The following IPO7 variants were observed in gnomAD, a reference collection of about 807,000 sequenced individuals.
The protein encoded by IPO7 is importin-7.
IPO7 carries 13 observed loss-of-function variants against 136.4 expected under a neutral mutation model. The observed-to-expected ratio is 0.10, with a 90% CI of 0.06 to 0.15. The LOEUF (loss-of-function observed/expected upper bound fraction) is 0.15, where lower values mean the gene tolerates loss of function less well. Among genes scored for constraint, IPO7 ranks in the 10% least tolerant of loss-of-function variants. IPO7 has a pLI of 1.00. For missense variants in IPO7, 857 were observed against 1,240.6 expected (o/e 0.69, Z 4.65); for synonymous variants, 403 against 404.4 (o/e 1.00, Z 0.04).
intron 19 of IPO7, 122 bp from the exon 20 acceptor site, chr11:9,436,149 T>C (rs1855364891): frequency 1.6e-6 from 1 of 633,294 alleles, no homozygotes; most frequent in Non-Finnish European, 2.8e-6. Flanking sequence ...GTTATTCATA[T>C]TAATTAGGGT....
chr11:9,401,649 A>G (rs2133728876), intron 1 of IPO7, among the ~76,000 whole-genome samples: 1 of 152,346 alleles, frequency 6.6e-6, no homozygotes, highest in African/African-American at 2.4e-5. Context: ...ATCCAGGTCT[A>G]TAATGTAAAA....
rs1451100036 is a variant in IPO7 at position 9,414,581 on chromosome 11, A to G, written c.636+170A>G. 1.4e-5 allele frequency: 5 copies of G among 347,932 alleles called. 1 individual carries two copies. The Admixed American group carries it at 2.5e-4, about 17-fold the overall frequency. 21.6% of individuals were successfully genotyped at this position (347,932 alleles called of 1,614,324 possible). A position where few individuals can be genotyped will look rare whatever the true frequency, so the allele number is the denominator to read the frequency against. On this transcript the variant is annotated intron_variant, in intron 5 of 24. Coordinates refer to ENST00000379719, the MANE Select transcript of IPO7 (RefSeq NM_006391.3). ...GCAAAAATTATAAGTCTAAACAAGC[A>G]TACTTCCTCCCCAAATACATAAACA...
At position 9,437,582 on chromosome 11, in the gene IPO7, G is replaced by A. The variant is rs1031038082; in HGVS notation, c.2269-172G>A. On this transcript the variant is annotated intron_variant, in intron 20 of 24. Coordinates refer to ENST00000379719, the MANE Select transcript of IPO7 (RefSeq NM_006391.3). ...CGTGAGCTTTTAATAGCTCCATGAA[G>A]ACTACTAGACTTTCTCTAAAATTAG... Among the ~76,000 whole-genome samples the A allele has an allele frequency of 2.2e-4, 33 of 152,310 alleles. No individual in the cohort carries two copies. In the East Asian group the frequency reaches 4.6e-3, roughly 21 times the overall value.
At position 9,439,042 on chromosome 11, in the gene IPO7, G is replaced by A. The variant is rs564911617; in HGVS notation, c.2695+757G>A. 7.0e-4 allele frequency among the ~76,000 whole-genome samples: 106 copies of A among 152,234 alleles called. 1 individual carries two copies. The South Asian group carries it at 0.012, about 18-fold the overall frequency. ...TAGTCCCAGCTACTTGGAAGTCTGA[G>A]GTATCAGATTCGCTTGAGCCCAGGA... On this transcript the variant is annotated intron_variant, in intron 22 of 24. Transcript: ENST00000379719.
rs1855456133 is a variant in IPO7 at position 9,441,220 on chromosome 11, TA to T, written c.2902+560del. 2.6e-5 allele frequency among the ~76,000 whole-genome samples: 4 copies of T among 152,346 alleles called. No homozygotes were observed. The South Asian group carries it at 8.3e-4, about 32-fold the overall frequency. On this transcript the variant is annotated intron_variant, in intron 23 of 24. Coordinates refer to ENST00000379719, the MANE Select transcript of IPO7 (RefSeq NM_006391.3). ...TTGAGATTTTTGAATTATATATGCC[TA>T]GGATTCTGGAGCCACGTACACTGTT...
chr11:9,439,668 C>T (rs1391673366), intron 22 of IPO7, among the ~76,000 whole-genome samples: 1 of 151,534 alleles, frequency 6.6e-6, no homozygotes, highest in South Asian at 2.1e-4. Flanking sequence ...CTCCGACTCC[C>T]GGGTTCAAGC....
chr11:9,425,515 G>A (rs983394162), intron 12 of IPO7, among the ~76,000 whole-genome samples: 7 of 151,792 alleles, frequency 4.6e-5, no homozygotes, highest in Non-Finnish European at 1.0e-4. Flanking sequence ...CCAGGGCGGG[G>A]GGATCACCTG....
At chr11:9,440,056 G>A (rs1006630394) in intron 22 of IPO7, among the ~76,000 whole-genome samples, 2 of 152,088 alleles carry the variant, frequency 1.3e-5, no homozygotes, top group African/African-American at 2.4e-5. Context: ...TACACTATCA[G>A]TGTATAAATT....
chr11:9,443,151 C>T (rs1363075493), intron 24 of IPO7, among the ~76,000 whole-genome samples: 2 of 151,784 alleles, frequency 1.3e-5, no homozygotes, highest in South Asian at 2.1e-4. Context: ...TGCAGTGAGC[C>T]GACATCACGC....
intron 8 of IPO7, 130 bp from the exon 9 acceptor site, chr11:9,422,876 T>C: frequency 2.1e-6 from 1 of 480,734 alleles, no homozygotes; most frequent in Non-Finnish European, 3.7e-6. Context: ...AAATTATTTT[T>C]CAAAGTATAC....
chr11:9,406,697 C>A (rs1854892967), intron 2 of IPO7, among the ~76,000 whole-genome samples: 1 of 151,964 alleles, frequency 6.6e-6, no homozygotes, highest in Admixed American at 6.6e-5. Context: ...ATGGTGAAAC[C>A]CTGTCTCTAC....
chr11:9,420,860 T>G (rs977039417), intron 8 of IPO7, among the ~76,000 whole-genome samples, 162 bp downstream of exon 8: 2 of 152,234 alleles, frequency 1.3e-5, no homozygotes, highest in African/African-American at 4.8e-5. Flanking sequence ...TTCAAATTAC[T>G]TAGGATACCA....
chr11:9,428,823 G>T (rs1208532387), intron 13 of IPO7, 194 bp downstream of exon 13: 1 of 783,834 alleles, frequency 1.3e-6, no homozygotes, highest in South Asian at 1.4e-5. Context: ...GTGTCTGTCT[G>T]TGTTTTTCAT....
rs78429908 is a variant in IPO7 at position 9,413,173 on chromosome 11, C to T, written c.480-1082C>T. Among the ~76,000 whole-genome samples, 1,178 of 152,124 alleles carry T rather than the reference C, an allele frequency of 7.7e-3. 35 individuals carry two copies. In the East Asian group the frequency reaches 0.098, roughly 13 times the overall value. ...GATTAGAGGCGTGAGCCACCGCGCC[C>T]GGCCCCCAACAGACTTTTTAACGAT... On this transcript the variant is annotated intron_variant, in intron 4 of 24. Transcript: ENST00000379719.
intron 1 of IPO7, among the ~76,000 whole-genome samples, chr11:9,385,157 C>T (rs1054265056): frequency 6.6e-6 from 1 of 152,198 alleles, no homozygotes; most frequent in Non-Finnish European, 1.5e-5. Context: ...GGCTGGCCGA[C>T]CTCTGGCTCA....
At position 9,430,879 on chromosome 11, in the gene IPO7, T is replaced by C. The variant is rs777868512; in HGVS notation, c.1757T>C (p.Met586Thr). ...IAVEMTQHLAMTFNQVIQTGP... is the reference protein window; with the variant it reads ...IAVEMTQHLATTFNQVIQTGP... ...GTTATATTCTCTTGAATCTAGGCAATGACATTTAACCAAGTAATCCAGACG... is the reference window on the plus strand; with the variant it reads ...GTTATATTCTCTTGAATCTAGGCAACGACATTTAACCAAGTAATCCAGACG... The change falls in exon 16 of 25, where the codon ATG becomes ACG. Residue 586 changes from methionine to threonine, a missense_variant. Physicochemically the swap from Met to Thr is moderately conservative, Grantham distance 81 (BLOSUM62 -1). Coordinates refer to ENST00000379719, the MANE Select transcript of IPO7 (RefSeq NM_006391.3). 6.2e-7 allele frequency: 1 copy of C among 1,611,642 alleles called. No homozygotes were observed. Among genetic ancestry groups the C allele is most frequent in the South Asian group, 1.1e-5 (1 of 90,926 alleles).
chr11:9,436,288 A>G lies in IPO7; in HGVS notation c.2190A>G (p.Ala730=). The G allele has an allele frequency of 6.2e-7, 1 of 1,613,220 alleles. No individual in the cohort carries two copies. Among genetic ancestry groups the G allele is most frequent in the Non-Finnish European group, 8.5e-7 (1 of 1,179,138 alleles). Residue 730 remains alanine (A), a synonymous_variant, in exon 20 of 25, where the codon GCA becomes GCG. Coordinates refer to ENST00000379719, the MANE Select transcript of IPO7 (RefSeq NM_006391.3). ...SMCKKVLTGV[A]GEDAECHAAK... Reference sequence around the variant, plus strand: ...TTGATCAGGTTCTTACAGGAGTTGCAGGAGAAGATGCAGAGTGTCATGCAG... The same window carrying G: ...TTGATCAGGTTCTTACAGGAGTTGCGGGAGAAGATGCAGAGTGTCATGCAG...
Position 9,409,914 on chromosome 11 carries a change from T to A in IPO7, c.321-14T>A. On this transcript the variant is annotated splice_polypyrimidine_tract_variant and intron_variant, in intron 3 of 24. Coordinates refer to ENST00000379719, the MANE Select transcript of IPO7 (RefSeq NM_006391.3). ...GTTAGGATTTTTTCCTTACTGTTTT[T>A]TTTTGGCTTCCAGGGTACAGCTTAC... The A allele has an allele frequency of 1.3e-6, 2 of 1,502,346 alleles. No homozygotes were observed. Among genetic ancestry groups the A allele is most frequent in the Non-Finnish European group, 1.8e-6 (2 of 1,124,402 alleles). 93.1% of individuals were successfully genotyped at this position (1,502,346 alleles called of 1,614,324 possible). A position where few individuals can be genotyped will look rare whatever the true frequency, so the allele number is the denominator to read the frequency against.
chr11:9,437,662 G>T (rs745502322), intron 20 of IPO7, 92 bp from the exon 21 acceptor site: 1 of 872,436 alleles, frequency 1.1e-6, no homozygotes, highest in Non-Finnish European at 1.8e-6. Context: ...GCTACAATAG[G>T]GTTAATTGAG....
Sources: gnomAD v4.1 joint callset for allele counts (sites outside exome capture counted in the v4.1 genomes callset) on GRCh38, gnomAD v4.1.1 for gene constraint, MANE v1.5 for transcripts, NCBI Gene and HGNC (gene_info 2026-07-23, HGNC 2026-07-21) for gene names.